ZFHX3: variants seen among roughly 807,000 people sequenced by gnomAD.
ZFHX3 encodes the protein zinc finger homeobox 3.
In ZFHX3, 42 loss-of-function variants were observed where a neutral mutation model predicts 279.1. The observed-to-expected ratio is 0.15, with a 90% confidence interval of 0.12 to 0.19. ZFHX3 has a LOEUF of 0.19. Ranked by LOEUF, ZFHX3 falls within the 10% of genes least tolerant of loss-of-function variation. The pLI, the probability that ZFHX3 is intolerant of heterozygous loss-of-function variation, is 1.00. For missense variants in ZFHX3, 4,981 were observed against 4,754.0 expected (o/e 1.05, Z -1.40); for synonymous variants, 2,293 against 1,957.8 (o/e 1.17, Z -4.52).
chr16:73,259,828 G>A (rs1373566721), intron 4 of ZFHX3, among the ~76,000 whole-genome samples: 2 of 152,096 alleles, frequency 1.3e-5, no homozygotes, highest in Non-Finnish European at 2.9e-5. Context: ...TTCCAATGAT[G>A]TTAACTCTGA....
chr16:73,106,564 A>C (rs373581786), intron 7 of ZFHX3, among the ~76,000 whole-genome samples: 4 of 152,294 alleles, frequency 2.6e-5, no homozygotes, highest in African/African-American at 9.6e-5. Flanking sequence ...CAGTCATCCC[A>C]GCTCATATGA....
chr16:72,811,886 G>A lies in ZFHX3; in HGVS notation c.3663+19C>T. 6.3e-7 allele frequency: 1 copy of A among 1,586,110 alleles called. No individual in the cohort carries two copies. Among genetic ancestry groups the A allele is most frequent in the Non-Finnish European group, 8.6e-7 (1 of 1,163,840 alleles). On this transcript the variant is annotated intron_variant, in intron 6 of 9. Coordinates refer to ENST00000268489, the MANE Select transcript of ZFHX3 (RefSeq NM_006885.4). ...AAAACACCTCACCTCCCCACCAGCA[G>A]AGTCCCTTCCAGCCTCACCTGCTCC... is the stretch of plus-strand genomic sequence containing the variant.
At chr16:73,059,524 TTCTCTCTCTCTCTCTCTCTC>T (rs61284759) in exon 1 of ZFHX3, 52 of 103,246 alleles carry the variant, frequency 5.0e-4, no homozygotes, top group African/African-American at 1.9e-3. Flanking sequence ...ATTTTCCCCT[TTCTCTCTCTCTCTCTCTCTC>T]TCTCTCTCTC....
At chr16:73,886,583 T>A (rs1567440422) in intron 1 of ZFHX3, among the ~76,000 whole-genome samples, 3 of 152,192 alleles carry the variant, frequency 2.0e-5, no homozygotes, top group African/African-American at 7.2e-5. Context: ...CTAGATCTTG[T>A]CAGTAATTCG....
chr16:73,654,806 T>C (rs4556814), intron 2 of ZFHX3, among the ~76,000 whole-genome samples: 98,962 of 147,618 alleles, frequency 0.67, 33,000 homozygotes, highest in Middle Eastern at 0.84. Context: ...ATTAAAATAA[T>C]TTTTTAAAAA....
chr16:73,744,280 A>T (rs1443341550), intron 1 of ZFHX3, among the ~76,000 whole-genome samples: 1 of 152,220 alleles, frequency 6.6e-6, no homozygotes, highest in South Asian at 2.1e-4. Flanking sequence ...GTGTGCACAG[A>T]TGGTGCTTGA....
At chr16:73,255,586 C>G (rs1231710690) in intron 5 of ZFHX3, among the ~76,000 whole-genome samples, 1 of 152,192 alleles carries the variant, frequency 6.6e-6, no homozygotes, top group African/African-American at 2.4e-5. Context: ...AAAATAATGT[C>G]TGCTGAAGCC....
chr16:73,847,395 T>C (rs1367031639), intron 1 of ZFHX3, among the ~76,000 whole-genome samples: 2 of 152,166 alleles, frequency 1.3e-5, no homozygotes, highest in African/African-American at 4.8e-5. Context: ...ATTTGGCTGG[T>C]CCCTGGAAAA....
chr16:73,687,295 G>A (rs2053098859), intron 1 of ZFHX3, among the ~76,000 whole-genome samples: 1 of 150,986 alleles, frequency 6.6e-6, no homozygotes, highest in Non-Finnish European at 1.5e-5. Context: ...GGGAGGCTTA[G>A]GTGGAAGGAT....
chr16:73,890,611 C>A (rs988817079), intron 1 of ZFHX3, among the ~76,000 whole-genome samples: 5 of 152,108 alleles, frequency 3.3e-5, no homozygotes, highest in Non-Finnish European at 5.9e-5. Flanking sequence ...TTTGCATACT[C>A]AAACACAGAA....
intron 1 of ZFHX3, among the ~76,000 whole-genome samples, chr16:73,796,199 G>C (rs1959981262): frequency 6.6e-6 from 1 of 152,052 alleles, no homozygotes; most frequent in Admixed American, 6.5e-5. Flanking sequence ...ATTTAAAATA[G>C]CACAAAGTAT....
intron 3 of ZFHX3, chr16:73,402,322 T>C (rs1254935212): frequency 6.6e-6 from 1 of 152,244 alleles, no homozygotes; most frequent in Non-Finnish European, 1.5e-5. Flanking sequence ...TCATTGATGA[T>C]AGAGAACCTT....
At chr16:72,955,693 G>A (rs1252638499) in intron 2 of ZFHX3, among the ~76,000 whole-genome samples, 3 of 144,462 alleles carry the variant, frequency 2.1e-5, no homozygotes, top group Non-Finnish European at 4.5e-5. Context: ...CAGGAGAATC[G>A]CTTGAACACA....
chr16:73,157,510 T>C (rs28704772), intron 5 of ZFHX3, among the ~76,000 whole-genome samples: 31,775 of 143,880 alleles, frequency 0.22, 4,018 homozygotes, highest in African/African-American at 0.35. Context: ...ACATTTTATC[T>C]GAAAGATATA....
At chr16:73,504,057 C>G (rs191360389) in intron 2 of ZFHX3, among the ~76,000 whole-genome samples, 85 of 152,194 alleles carry the variant, frequency 5.6e-4, no homozygotes, top group African/African-American at 2.0e-3. Context: ...TAATAAAAGT[C>G]TGATTAATAA....
intron 1 of ZFHX3, among the ~76,000 whole-genome samples, chr16:73,805,813 GAGAC>G (rs1308518006): frequency 5.3e-5 from 8 of 152,176 alleles, no homozygotes; most frequent in African/African-American, 1.9e-4. Context: ...GCAGAGTAAA[GAGAC>G]AGAGGGTGAT....
intron 7 of ZFHX3, among the ~76,000 whole-genome samples, chr16:72,804,030 G>A (rs2036191732): frequency 6.6e-6 from 1 of 152,224 alleles, no homozygotes; most frequent in South Asian, 2.1e-4. Flanking sequence ...AAATTTGGAA[G>A]CCAACAGTGG....
chr16:72,799,117 T>G (rs1208856581), intron 8 of ZFHX3, among the ~76,000 whole-genome samples: 1 of 152,228 alleles, frequency 6.6e-6, no homozygotes, highest in African/African-American at 2.4e-5. Flanking sequence ...GTAATAAGCA[T>G]TTAGCACAGT....
intron 8 of ZFHX3, among the ~76,000 whole-genome samples, chr16:73,084,714 G>A (rs1965990031): frequency 6.6e-6 from 1 of 151,862 alleles, no homozygotes; most frequent in South Asian, 2.1e-4. Context: ...TAGAGATGGG[G>A]TTTCACCGTG....
Sources: allele counts gnomAD v4.1 joint callset (sites outside exome capture counted in the v4.1 genomes callset), GRCh38; gene constraint gnomAD v4.1.1; transcripts MANE v1.5; gene names NCBI Gene and HGNC (gene_info 2026-07-23, HGNC 2026-07-21).